The following ARNT2 variants were observed in gnomAD, a reference collection of about 807,000 sequenced individuals.
ARNT2 encodes aryl hydrocarbon receptor nuclear translocator 2.
A neutral mutation model predicts 91.7 loss-of-function variants in ARNT2; 36 were observed. The ratio of observed to expected loss-of-function variants is 0.39; its 90% CI spans 0.30 to 0.52. ARNT2 has a LOEUF of 0.52. Ranked by LOEUF, ARNT2 falls within the 20% of genes least tolerant of loss-of-function variation. The pLI, the probability that ARNT2 is intolerant of heterozygous loss-of-function variation, is 0.72. For synonymous variants in ARNT2, 365 were observed against 347.1 expected, an observed-to-expected ratio of 1.05 and a Z score of -0.57; for missense variants, 775 against 939.3, an observed-to-expected ratio of 0.83 and a Z score of 2.29.
intron 1 of ARNT2, among the ~76,000 whole-genome samples, chr15:80,449,369 T>G (rs1354426024): frequency 1.3e-5 from 2 of 152,212 alleles, no homozygotes; most frequent in African/African-American, 2.4e-5. Context: ...CTCAATGTGT[T>G]TTAGCCTCCA....
At position 80,468,681 on chromosome 15, in the gene ARNT2, C is replaced by G. The variant is rs78964469; in HGVS notation, c.195-1537C>G. Among the ~76,000 whole-genome samples the G allele has an allele frequency of 2.0e-5, 3 of 152,226 alleles. 1 individual carries two copies. The highest frequency in any genetic ancestry group is 7.2e-5 in the African/African-American group (3 of 41,456). ...CTCCATTGTGGTTTTTGCTTTTCAC[C>G]TGCCTTTTGAAGCATTTAATCATAC... is the stretch of plus-strand genomic sequence containing the variant. On this transcript the variant is annotated intron_variant, in intron 3 of 18. Coordinates refer to ENST00000303329, the MANE Select transcript of ARNT2 (RefSeq NM_014862.4).
At position 80,581,300 on chromosome 15, in the gene ARNT2, C is replaced by T; in HGVS notation, c.1814C>T (p.Thr605Ile). 6.2e-7 allele frequency: 1 copy of T among 1,614,202 alleles called. No homozygotes were observed. Among genetic ancestry groups the T allele is most frequent in the Non-Finnish European group, 8.5e-7 (1 of 1,180,040 alleles). ...CCCTTTGGGATTGGAACGAGCCACA[C>T]CTACCCGGCAGACCCCTCTTCCTAC... ...SSPFGIGTSHTYPADPSSYSP... is the reference protein window; with the variant it reads ...SSPFGIGTSHIYPADPSSYSP... Residue 605 changes from threonine to isoleucine, a missense_variant, in exon 17 of 19, where the codon ACC (threonine) becomes ATC (isoleucine). Physicochemically the swap from Thr to Ile is moderately conservative, Grantham distance 89. Transcript: ENST00000303329.
intron 5 of ARNT2, among the ~76,000 whole-genome samples, chr15:80,491,803 T>A (rs1304048132): frequency 1.3e-5 from 2 of 148,290 alleles, no homozygotes; most frequent in African/African-American, 2.5e-5. Flanking sequence ...GGCCTTTTTT[T>A]TTTTTTTTTT....
intron 1 of ARNT2, among the ~76,000 whole-genome samples, chr15:80,442,488 T>C (rs1896208248): frequency 6.6e-6 from 1 of 152,238 alleles, no homozygotes; most frequent in African/African-American, 2.4e-5. Flanking sequence ...GTTCAGCTTC[T>C]AGCACAGCCC....
At chr15:80,510,750 A>G (rs1897329835) in intron 6 of ARNT2, among the ~76,000 whole-genome samples, 2 of 152,080 alleles carry the variant, frequency 1.3e-5, no homozygotes, top group Non-Finnish European at 2.9e-5. Context: ...AATTGCTTGA[A>G]CCTGGGAGAT....
chr15:80,535,127 T>C (rs1897800062), intron 8 of ARNT2, among the ~76,000 whole-genome samples: 1 of 152,228 alleles, frequency 6.6e-6, no homozygotes, highest in African/African-American at 2.4e-5. Context: ...ACCGCAGACA[T>C]CTGGGAGCAA....
rs1893325703 is a variant in ARNT2 at position 80,593,676 on chromosome 15, T to C, written c.2132T>C (p.Met711Thr). The change falls in exon 19 of 19, where the codon ATG (methionine) becomes ACG (threonine). Residue 711 changes from methionine to threonine, a missense_variant. Physicochemically the swap from Met to Thr is moderately conservative, Grantham distance 81. Coordinates refer to ENST00000303329, the MANE Select transcript of ARNT2 (RefSeq NM_014862.4). ...YNIEDFADLGMFPPFSE is the reference protein window; with the variant it reads ...YNIEDFADLGTFPPFSE Reference sequence around the variant, plus strand: ...ATCGAAGACTTTGCCGACCTGGGCATGTTTCCACCGTTTTCTGAGTAGCTG... The same window carrying C: ...ATCGAAGACTTTGCCGACCTGGGCACGTTTCCACCGTTTTCTGAGTAGCTG... 6.2e-7 allele frequency: 1 copy of C among 1,605,974 alleles called. No homozygotes were observed. Among genetic ancestry groups the C allele is most frequent in the Non-Finnish European group, 8.5e-7 (1 of 1,175,350 alleles).
At chr15:80,464,742 C>T (rs1232378480) in intron 3 of ARNT2, among the ~76,000 whole-genome samples, 1 of 152,194 alleles carries the variant, frequency 6.6e-6, no homozygotes, top group Non-Finnish European at 1.5e-5. Flanking sequence ...TTTCTTCTGG[C>T]CTTCATGGCT....
intron 5 of ARNT2, among the ~76,000 whole-genome samples, chr15:80,506,527 G>A (rs4331301): frequency 0.35 from 52,730 of 152,086 alleles, 9,697 homozygotes; most frequent in Non-Finnish European, 0.38. Flanking sequence ...GTCAGATACC[G>A]AGGGTGGGGG....
intron 1 of ARNT2, among the ~76,000 whole-genome samples, chr15:80,423,920 G>A (rs1895897646): frequency 6.6e-6 from 1 of 152,156 alleles, no homozygotes; most frequent in Admixed American, 6.5e-5. Flanking sequence ...CAAGCGTTTG[G>A]CTTCAAGTAA....
chr15:80,454,650 C>G (rs1317652078), intron 2 of ARNT2, among the ~76,000 whole-genome samples: 1 of 152,240 alleles, frequency 6.6e-6, no homozygotes, highest in African/African-American at 2.4e-5. Flanking sequence ...CAGCCCTTGA[C>G]ACTTCACTTG....
intron 5 of ARNT2, among the ~76,000 whole-genome samples, chr15:80,499,826 T>A (rs990511325): frequency 6.6e-6 from 1 of 152,212 alleles, no homozygotes; most frequent in Non-Finnish European, 1.5e-5. Flanking sequence ...AGCTCTTTTT[T>A]TGACTTTCAT....
intron 8 of ARNT2, among the ~76,000 whole-genome samples, chr15:80,530,188 A>C (rs986198343): frequency 6.6e-6 from 1 of 152,172 alleles, no homozygotes; most frequent in Non-Finnish European, 1.5e-5. Context: ...TTCCAGAAAG[A>C]TATTTCAGGC....
intron 12 of ARNT2, 61 bp downstream of exon 12, chr15:80,563,300 G>A (rs1199881938): frequency 1.3e-6 from 2 of 1,595,808 alleles, no homozygotes; most frequent in East Asian, 4.5e-5. Context: ...GTCCAGAGCT[G>A]GCAATTTTAT....
At position 80,569,846 on chromosome 15, in the gene ARNT2, C is replaced by T. The variant is rs141703855; in HGVS notation, c.1317-4302C>T. ...GGCCAGGTTTGTGCCCCACTTCGCC[C>T]CTTGGCCAGGCATCCGGGGCACAGC... is the stretch of plus-strand genomic sequence containing the variant. On this transcript the variant is annotated intron_variant, in intron 12 of 18. Coordinates refer to ENST00000303329, the MANE Select transcript of ARNT2 (RefSeq NM_014862.4). Among the ~76,000 whole-genome samples, 1,168 of 152,370 alleles carry T rather than the reference C, an allele frequency of 7.7e-3. 10 individuals carry two copies. Among genetic ancestry groups the T allele is most frequent in the African/African-American group, 0.027 (1,107 of 41,578 alleles).
rs563292011 is a variant in ARNT2 at position 80,502,174 on chromosome 15, G to A, written c.623-5982G>A. Among the ~76,000 whole-genome samples, 8 of 152,350 alleles carry A rather than the reference G, an allele frequency of 5.3e-5. No individual in the cohort carries two copies. In the East Asian group the frequency reaches 1.5e-3, roughly 29 times the overall value. On this transcript the variant is annotated intron_variant, in intron 5 of 18. Transcript: ENST00000303329. ...GATTCTCCCTGAATTCAAAGAATGGGGAAGGTGAGAGGACCAGAGTGAGAA... is the reference window on the plus strand; with the variant it reads ...GATTCTCCCTGAATTCAAAGAATGGAGAAGGTGAGAGGACCAGAGTGAGAA...
At chr15:80,512,067 G>T (rs991882927) in intron 6 of ARNT2, among the ~76,000 whole-genome samples, 1 of 152,174 alleles carries the variant, frequency 6.6e-6, no homozygotes, top group African/African-American at 2.4e-5. Flanking sequence ...GGCGTCCGTT[G>T]CGTACTATGA....
chr15:80,469,128 T>C (rs568709250), intron 3 of ARNT2, among the ~76,000 whole-genome samples: 2 of 152,236 alleles, frequency 1.3e-5, no homozygotes, highest in Non-Finnish European at 2.9e-5. Flanking sequence ...GATAATTCTT[T>C]TATCCCAAGT....
In ARNT2 at chr15:80,591,740, G is replaced by C; in HGVS notation, c.2055+36G>C. 6.2e-7 allele frequency: 1 copy of C among 1,610,392 alleles called. No individual in the cohort carries two copies. Among genetic ancestry groups the C allele is most frequent in the Non-Finnish European group, 8.5e-7 (1 of 1,177,148 alleles). ...CGAGCACCGCCTTCTCGTAGGTACCGGCGCCTTCTCTCTGCTTCCTTTCCC... is the reference window on the plus strand; with the variant it reads ...CGAGCACCGCCTTCTCGTAGGTACCCGCGCCTTCTCTCTGCTTCCTTTCCC... On this transcript the variant is annotated intron_variant, in intron 18 of 18. Transcript: ENST00000303329. The surrounding 1 kb of genome is among the most constrained non-coding windows in gnomAD (Gnocchi z 5.1).
Sources: allele counts gnomAD v4.1 joint callset (sites outside exome capture counted in the v4.1 genomes callset), GRCh38; gene constraint gnomAD v4.1.1; non-coding constraint Gnocchi (gnomAD v3.1); transcripts MANE v1.5; gene names NCBI Gene and HGNC (gene_info 2026-07-23, HGNC 2026-07-21).